The following NOL6 variants were observed in gnomAD, a reference collection of about 807,000 sequenced individuals.
NOL6 encodes the protein nucleolar protein 6.
NOL6 carries 33 observed loss-of-function variants against 131.7 expected under a neutral mutation model. That is an observed-to-expected ratio of 0.25 (90% CI 0.19 to 0.33). NOL6 has a LOEUF of 0.33. NOL6 is among the 10% of genes least tolerant of loss of function. The pLI, the probability that NOL6 is intolerant of heterozygous loss-of-function variation, is 1.00. For synonymous variants in NOL6, 580 were observed against 605.7 expected, an observed-to-expected ratio of 0.96 and a Z score of 0.62; for missense variants, 1,297 against 1,494.5, an observed-to-expected ratio of 0.87 and a Z score of 2.18.
intron 3 of NOL6, among the ~76,000 whole-genome samples, chr9:33,471,259 G>A (rs781255992): frequency 3.9e-5 from 6 of 152,206 alleles, no homozygotes; most frequent in African/African-American, 4.8e-5. Context: ...GCGAGACTTC[G>A]TCTCAAAAAC....
At chr9:33,464,282 C>G in intron 21 of NOL6, 121 bp from the exon 22 acceptor site, 1 of 1,196,008 alleles carries the variant, frequency 8.4e-7, no homozygotes. Flanking sequence ...CAACACTCCC[C>G]CCCACCAAGT....
Position 33,463,275 on chromosome 9 carries a change from G to A in NOL6, c.3161C>T (p.Pro1054Leu). ...GAGCTGCGTCAGATAGAGCTGAGGA[G>A]GATCATAGCCCAGCACGGGCATCAG... ...SSLMPVLGYD[P>L]PQLYLTQLRE... is the part of the protein sequence containing the mutation. Residue 1054 changes from proline to leucine, a missense_variant, in exon 24 of 26, where the codon CCT becomes CTT. Pro to Leu is a moderately conservative substitution (Grantham distance 98). Transcript: ENST00000297990. 4 of 1,614,020 alleles carry A rather than the reference G, an allele frequency of 2.5e-6. No homozygotes were observed. Among genetic ancestry groups the A allele is most frequent in the East Asian group, 4.5e-5 (2 of 44,886 alleles).
At position 33,466,726 on chromosome 9, in the gene NOL6, G is replaced by C. The variant is rs769097214; in HGVS notation, c.1951-17C>G. 4 of 1,613,128 alleles carry C rather than the reference G, an allele frequency of 2.5e-6. No homozygotes were observed. The highest frequency in any genetic ancestry group is 1.7e-5 in the Admixed American group (1 of 60,004). On this transcript the variant is annotated splice_polypyrimidine_tract_variant and intron_variant, in intron 15 of 25. Transcript: ENST00000297990. The stretch of plus-strand genomic sequence containing the variant: ...GCTGGAGGTCTGAGAGGGAGAAGAC[G>C]GTCAGGAGGCTGGACCCTACAGAAG...
intron 7 of NOL6, 36 bp downstream of exon 7, chr9:33,468,922 C>T (rs1376388325): frequency 4.3e-6 from 7 of 1,613,804 alleles, no homozygotes; most frequent in Non-Finnish European, 5.1e-6. Context: ...ATCACACAGG[C>T]GCTCAGGTAG....
intron 3 of NOL6, 50 bp downstream of exon 3, chr9:33,471,954 C>G: frequency 7.9e-7 from 1 of 1,271,892 alleles, no homozygotes; most frequent in Non-Finnish European, 1.1e-6. Flanking sequence ...TGATATACCC[C>G]CACTGGAGGT....
intron 1 of NOL6, 103 bp downstream of exon 1, chr9:33,473,686 C>A (rs999326461): frequency 5.1e-6 from 7 of 1,365,746 alleles, no homozygotes; most frequent in African/African-American, 2.9e-5. Context: ...AATGGGCCGC[C>A]GGCATGGCTT....
intron 9 of NOL6, 34 bp from the exon 10 acceptor site, chr9:33,468,456 G>A (rs1214378637): frequency 6.2e-7 from 1 of 1,613,226 alleles, no homozygotes; most frequent in Admixed American, 1.7e-5. Flanking sequence ...GGTCAGGATT[G>A]GCACCTTACT....
At position 33,469,204 on chromosome 9, in the gene NOL6, C is replaced by T. The variant is rs770232598; in HGVS notation, c.862+3G>A. ...CTCCACCTCAACACCAGGGCCTGCT[C>T]ACCATCCCCTGCAGGACTCTGCCCT... On this transcript the variant is annotated splice_donor_region_variant and intron_variant, in intron 6 of 25. Coordinates refer to ENST00000297990, the MANE Select transcript of NOL6 (RefSeq NM_022917.5). The T allele has an allele frequency of 2.5e-6, 4 of 1,614,120 alleles. No individual in the cohort carries two copies. The highest frequency in any genetic ancestry group is 3.4e-6 in the Non-Finnish European group (4 of 1,180,044).
Position 33,469,480 on chromosome 9 carries a change from C to G in NOL6, c.727+19G>C. The G allele has an allele frequency of 6.3e-7, 1 of 1,597,218 alleles. No homozygotes were observed. Among genetic ancestry groups the G allele is most frequent in the Non-Finnish European group, 8.5e-7 (1 of 1,171,830 alleles). ...TTACCATCCCATGCTATGCCCTCAG[C>G]CCAATGTGTGCCTCTCACCACGCGG... On this transcript the variant is annotated intron_variant, in intron 5 of 25. Coordinates refer to ENST00000297990, the MANE Select transcript of NOL6 (RefSeq NM_022917.5).
In NOL6 at chr9:33,473,835, G is replaced by A; in HGVS notation, c.8C>T (p.Pro3Leu). Residue 3 changes from proline (P) to leucine (L), a missense_variant, in exon 1 of 26, where the codon CCG (proline) becomes CTG (leucine). By Grantham distance (98) the Pro-to-Leu change is moderately conservative. Coordinates refer to ENST00000297990, the MANE Select transcript of NOL6 (RefSeq NM_022917.5). MG[P>L]APAGEQLRGA... ...GCGAAGCTGCTCTCCAGCTGGCGCCGGCCCCATCACTCAGGGTCCAGCACT... is the reference window on the plus strand; with the variant it reads ...GCGAAGCTGCTCTCCAGCTGGCGCCAGCCCCATCACTCAGGGTCCAGCACT... The A allele has an allele frequency of 6.2e-7, 1 of 1,611,056 alleles. No individual in the cohort carries two copies. The highest frequency in any genetic ancestry group is 8.5e-7 in the Non-Finnish European group (1 of 1,180,014).
At position 33,467,392 on chromosome 9, in the gene NOL6, A is replaced by T; in HGVS notation, c.1725+2T>A. The stretch of plus-strand genomic sequence containing the variant: ...TCCAGTGTACATGCTGGGGTCCCCC[A>T]CCTCAGGCTGGTCTGCCTCTGGACC... On this transcript the variant is annotated splice_donor_variant, in intron 13 of 25. Coordinates refer to ENST00000297990, the MANE Select transcript of NOL6 (RefSeq NM_022917.5). LOFTEE classifies it high-confidence loss of function. The surrounding 1 kb of genome is among the most constrained non-coding windows in gnomAD (Gnocchi z 4.4). 6.2e-7 allele frequency: 1 copy of T among 1,613,868 alleles called. No individual in the cohort carries two copies. The highest frequency in any genetic ancestry group is 8.5e-7 in the Non-Finnish European group (1 of 1,179,878).
In NOL6 at chr9:33,467,886, G is replaced by A; in HGVS notation, c.1425-18C>T. 1.9e-6 allele frequency: 3 copies of A among 1,583,782 alleles called. No individual in the cohort carries two copies. The highest frequency in any genetic ancestry group is 2.6e-6 in the Non-Finnish European group (3 of 1,163,208). ...GACGGAGACTGGAGGGGTACAAAGG[G>A]CCAAAGAGGGGTAATCAGGTTGCTG... On this transcript the variant is annotated intron_variant, in intron 11 of 25. Transcript: ENST00000297990. This position sits in a 1 kb window ranked among gnomAD's most constrained non-coding sequence, Gnocchi z 4.4.
rs1457888039 is a variant in NOL6, at chr9:33,467,763, C to A, written c.1530G>T (p.Leu510=). The A allele has an allele frequency of 6.2e-7, 1 of 1,610,780 alleles. No homozygotes were observed. Among genetic ancestry groups the A allele is most frequent in the Admixed American group, 1.7e-5 (1 of 59,578 alleles). Residue 510 remains leucine, a synonymous_variant, in exon 12 of 26, where the codon CTG becomes CTT. Transcript: ENST00000297990. This position sits in a 1 kb window ranked among gnomAD's most constrained non-coding sequence, Gnocchi z 4.4. ...GDYVSAALGP[L]TTLLEQGLGA... The stretch of plus-strand genomic sequence containing the variant: ...CCAGGCCCTGCTCCAGGAGGGTGGT[C>A]AGGGGGCCCAAAGCAGCTGAGACAT...
At position 33,468,311 on chromosome 9, in the gene NOL6, C is replaced by T. The variant is rs763890517; in HGVS notation, c.1308+10G>A. On this transcript the variant is annotated intron_variant, in intron 10 of 25. Transcript: ENST00000297990. ...CATCAGGGGAACACAGATTGGGGGCCCATTGGTACCTGGTGGTAAGTAGAG... is the reference window on the plus strand; with the variant it reads ...CATCAGGGGAACACAGATTGGGGGCTCATTGGTACCTGGTGGTAAGTAGAG... 3 of 1,613,104 alleles carry T rather than the reference C, an allele frequency of 1.9e-6. No individual in the cohort carries two copies. The highest frequency in any genetic ancestry group is 1.1e-5 in the South Asian group (1 of 91,020).
At position 33,468,523 on chromosome 9, in the gene NOL6, G is replaced by A. The variant is rs1336380632; in HGVS notation, c.1191C>T (p.Ser397=). The A allele has an allele frequency of 1.2e-6, 2 of 1,614,156 alleles. No homozygotes were observed. Among genetic ancestry groups the A allele is most frequent in the East Asian group, 2.2e-5 (1 of 44,882 alleles). The change falls in exon 9 of 26, where the codon AGC becomes AGT. Residue 397 remains serine (S), a synonymous_variant. Coordinates refer to ENST00000297990, the MANE Select transcript of NOL6 (RefSeq NM_022917.5). The part of the protein sequence containing the change: ...LTVNGISLCL[S]SDPSLPALAD... ...CCCAACTCACCAAAGAGGGATCTGA[G>A]CTGAGACATAAACTGATCCCGTTGA...
At chr9:33,470,404 T>G in intron 3 of NOL6, 1 of 389,178 alleles carries the variant, frequency 2.6e-6, no homozygotes, top group Non-Finnish European at 4.5e-6. Flanking sequence ...AGAATACCCA[T>G]TTTACGAGCC....
intron 15 of NOL6, 38 bp from the exon 16 acceptor site, chr9:33,466,747 A>C: frequency 1.2e-6 from 2 of 1,608,446 alleles, no homozygotes; most frequent in Admixed American, 1.7e-5. Flanking sequence ...TGGACCCTAC[A>C]GAAGGCCAGC....
At chr9:33,473,649 G>C in intron 1 of NOL6, 140 bp downstream of exon 1, 1 of 905,736 alleles carries the variant, frequency 1.1e-6, no homozygotes, top group East Asian at 2.6e-5. Context: ...CCCTGTCTCA[G>C]TGCCACTGGC....
At chr9:33,462,848 TCA>T (rs755921563) in intron 25 of NOL6, 35 bp from the exon 26 acceptor site, 15 of 1,611,580 alleles carry the variant, frequency 9.3e-6, no homozygotes, top group Non-Finnish European at 1.3e-5. Flanking sequence ...GGGTTGAGTG[TCA>T]CAGCGGCACA....
Sources: allele counts gnomAD v4.1 joint callset (sites outside exome capture counted in the v4.1 genomes callset), GRCh38; gene constraint gnomAD v4.1.1; non-coding constraint Gnocchi (gnomAD v3.1); transcripts MANE v1.5; gene names NCBI Gene and HGNC (gene_info 2026-07-23, HGNC 2026-07-21).